TBATA: variants seen among roughly 807,000 people sequenced by gnomAD.
TBATA encodes the protein protein TBATA.
Under a neutral mutation model 38.7 loss-of-function variants are expected in TBATA, and 47 were observed. The ratio of observed to expected loss-of-function variants is 1.21; its 90% CI spans 0.96 to 1.55. The LOEUF (loss-of-function observed/expected upper bound fraction) is 1.55. Among genes scored for constraint, TBATA ranks in the 40% most tolerant of loss-of-function variants. The pLI, the probability that TBATA is intolerant of heterozygous loss-of-function variation, is 0.00. For synonymous variants in TBATA, 183 were observed against 170.5 expected (o/e 1.07, Z -0.57); for missense variants, 436 against 435.6 (o/e 1.00, Z -0.01).
In TBATA at chr10:70,774,294, A is replaced by T. The variant is rs1377185271; in HGVS notation, c.839T>A (p.Val280Asp). The T allele has an allele frequency of 2.5e-6, 4 of 1,609,728 alleles. 1 individual carries two copies. In the East Asian group the frequency reaches 8.9e-5, roughly 36 times the overall value. Reference protein sequence around the residue: ...AVAQLLPQPLVSIPTEKLLSQ... With the variant: ...AVAQLLPQPLDSIPTEKLLSQ... The stretch of plus-strand genomic sequence containing the variant: ...TAGGAGCTTTTCTGTAGGGATGGAG[A>T]CTAGGGGCTGGGGAAGGAGCTGAGC... Residue 280 changes from valine to aspartate, a missense_variant, in exon 9 of 11, where the codon GTC becomes GAC. Coordinates refer to ENST00000456372, the MANE Select transcript of TBATA (RefSeq NM_001318241.2).
At chr10:70,776,598 G>T (rs1843435260) in intron 7 of TBATA, among the ~76,000 whole-genome samples, 1 of 152,208 alleles carries the variant, frequency 6.6e-6, no homozygotes. Context: ...GCAGAATGCT[G>T]GGTCTACCTC....
chr10:70,777,883 A>T (rs1054788507), intron 6 of TBATA: 13 of 429,246 alleles, frequency 3.0e-5, no homozygotes, highest in Non-Finnish European at 5.1e-5. Context: ...AAGATAAGAA[A>T]ACAGAGACCC....
rs1418170616 is a variant in TBATA at position 70,777,168 on chromosome 10, C to T, written c.678G>A (p.Gln226=). Residue 226 remains glutamine, a synonymous_variant, in exon 7 of 11, where the codon CAG becomes CAA. Transcript: ENST00000456372. ...GGGCCCTCACCAGCAGCTCCTGATC[C>T]TGAAGGAGGAAAGCCTGGACTCCTT... is the stretch of plus-strand genomic sequence containing the variant. ...RHEGVQAFLL[Q]DQELLVLELL... The T allele has an allele frequency of 1.9e-6, 3 of 1,612,804 alleles. No homozygotes were observed. The South Asian group carries it at 3.3e-5, about 18-fold the overall frequency.
chr10:70,782,289 C>G, intron 3 of TBATA: 1 of 1,490,760 alleles, frequency 6.7e-7, no homozygotes, highest in Non-Finnish European at 9.0e-7. Context: ...CTCAGACTCT[C>G]CCAGCACCCC....
rs765883629 is a variant in TBATA at position 70,778,646 on chromosome 10, G to A, written c.428-10C>T. 1.9e-6 allele frequency: 3 copies of A among 1,614,008 alleles called. No individual in the cohort carries two copies. The highest frequency in any genetic ancestry group is 1.1e-5 in the South Asian group (1 of 91,076). ...TCCTTCTTCCAGGCTTCTGGGAGGA[G>A]GGGACAAGGTCCTGCCAACTGAAGT... On this transcript the variant is annotated splice_polypyrimidine_tract_variant and intron_variant, in intron 5 of 10. Coordinates refer to ENST00000456372, the MANE Select transcript of TBATA (RefSeq NM_001318241.2).
chr10:70,772,453 G>A, intron 10 of TBATA, 61 bp downstream of exon 10: 1 of 1,543,572 alleles, frequency 6.5e-7, no homozygotes, highest in Non-Finnish European at 9.0e-7. Flanking sequence ...AATCCCCTGA[G>A]AAATCCAGCC....
chr10:70,776,833 A>G (rs1343812398), intron 7 of TBATA, among the ~76,000 whole-genome samples: 1 of 151,952 alleles, frequency 6.6e-6, no homozygotes, highest in Non-Finnish European at 1.5e-5. Flanking sequence ...GATGGGCAGG[A>G]CCTCCTTCTT....
intron 6 of TBATA, chr10:70,777,895 G>A: frequency 2.4e-6 from 1 of 419,500 alleles, no homozygotes; most frequent in Non-Finnish European, 4.7e-6. Flanking sequence ...CAGAGACCCA[G>A]ACAGCTTAGC....
At chr10:70,771,716 T>C (rs1182885288) in intron 10 of TBATA, among the ~76,000 whole-genome samples, 1 of 152,238 alleles carries the variant, frequency 6.6e-6, no homozygotes, top group African/African-American at 2.4e-5. Context: ...CCAGGCACTC[T>C]GGACCTTTGA....
chr10:70,785,073 T>C (rs1211863948), intron 1 of TBATA, among the ~76,000 whole-genome samples: 1 of 152,206 alleles, frequency 6.6e-6, no homozygotes, highest in East Asian at 1.9e-4. Context: ...GGGACTCTAG[T>C]AGGCCAAGCC....
chr10:70,781,898 C>A lies in TBATA; in HGVS notation c.180G>T (p.Lys60Asn). The A allele has an allele frequency of 1.2e-6, 2 of 1,614,228 alleles. No individual in the cohort carries two copies. The highest frequency in any genetic ancestry group is 8.5e-7 in the Non-Finnish European group (1 of 1,180,042). The part of the protein sequence containing the change: ...ERIRRALRTP[K>N]PQTPGTYCFG... ...AGCAGTAGGTGCCAGGGGTTTGGGG[C>A]TTTGGGGTCCTCAATGCCCGGCGGA... The change falls in exon 4 of 11, where the codon AAG (lysine) becomes AAT (asparagine). Residue 60 changes from lysine to asparagine, a missense_variant. Coordinates refer to ENST00000456372, the MANE Select transcript of TBATA (RefSeq NM_001318241.2).
At chr10:70,780,665 G>A (rs966086917) in intron 4 of TBATA, among the ~76,000 whole-genome samples, 3 of 151,930 alleles carry the variant, frequency 2.0e-5, no homozygotes, top group East Asian at 3.9e-4. Context: ...AAAGCATCTC[G>A]CATCACCCAT....
intron 4 of TBATA, 115 bp downstream of exon 4, chr10:70,781,686 C>A: frequency 9.7e-7 from 1 of 1,030,528 alleles, no homozygotes; most frequent in Non-Finnish European, 1.4e-6. Flanking sequence ...GATCCTGGAC[C>A]CCATCCTCTC....
At chr10:70,783,779 A>T (rs1787272994) in intron 2 of TBATA, among the ~76,000 whole-genome samples, 1 of 152,246 alleles carries the variant, frequency 6.6e-6, no homozygotes. Flanking sequence ...AAAATAAATG[A>T]GCCACAGCTA....
chr10:70,774,350 G>A lies in TBATA; in HGVS notation c.783C>T (p.Asp261=), dbSNP rs1589375696. Residue 261 remains aspartate, a synonymous_variant, in exon 9 of 11, where the codon GAC becomes GAT. Coordinates refer to ENST00000456372, the MANE Select transcript of TBATA (RefSeq NM_001318241.2). ...WLLYAPPKEK[D]LALGLLQTAV... is the part of the protein sequence containing the mutation. ...CTGTCTGCAGGAGTCCCAGAGCGAGGTCTTTTTCTGAAAGCACAGCCCGGG... is the reference window on the plus strand; with the variant it reads ...CTGTCTGCAGGAGTCCCAGAGCGAGATCTTTTTCTGAAAGCACAGCCCGGG... The A allele has an allele frequency of 1.9e-6, 3 of 1,593,064 alleles. No homozygotes were observed. Among genetic ancestry groups the A allele is most frequent in the Non-Finnish European group, 2.6e-6 (3 of 1,170,734 alleles).
At chr10:70,776,174 C>G (rs1843369890) in intron 7 of TBATA, among the ~76,000 whole-genome samples, 1 of 152,162 alleles carries the variant, frequency 6.6e-6, no homozygotes, top group African/African-American at 2.4e-5. Context: ...AGCAGGTCGG[C>G]CTCATCCTCA....
chr10:70,779,854 A>G, intron 4 of TBATA, 112 bp from the exon 5 acceptor site: 1 of 1,129,212 alleles, frequency 8.9e-7, no homozygotes, highest in Non-Finnish European at 1.2e-6. Flanking sequence ...TCTTCCAGTA[A>G]CCACCAGCTG....
At position 70,779,652 on chromosome 10, in the gene TBATA, G is replaced by A. The variant is rs1046373299; in HGVS notation, c.368C>T (p.Pro123Leu). Reference sequence around the variant, plus strand: ...GTCTCCAATGGGGACAGAGATGGTGGGTATCCCCATTTGACAGCCGGAAAA... The same window carrying A: ...GTCTCCAATGGGGACAGAGATGGTGAGTATCCCCATTTGACAGCCGGAAAA... ...TVFSGCQMGIPTISVPIGDPQ... is the reference protein window; with the variant it reads ...TVFSGCQMGILTISVPIGDPQ... The change falls in exon 5 of 11, where the codon CCC becomes CTC. Residue 123 changes from proline (P) to leucine (L), a missense_variant. Physicochemically the swap from Pro to Leu is moderately conservative, Grantham distance 98 (BLOSUM62 -3). Coordinates refer to ENST00000456372, the MANE Select transcript of TBATA (RefSeq NM_001318241.2). 8 of 1,533,184 alleles carry A rather than the reference G, an allele frequency of 5.2e-6. No individual in the cohort carries two copies. The highest frequency in any genetic ancestry group is 6.1e-6 in the Non-Finnish European group (7 of 1,149,962). The allele number at this position is 1,533,184 out of a possible 1,614,324, so 95.0% of individuals were successfully genotyped here.
chr10:70,780,730 GC>G (rs1248614852), intron 4 of TBATA, among the ~76,000 whole-genome samples: 3 of 152,096 alleles, frequency 2.0e-5, no homozygotes, highest in African/African-American at 7.2e-5. Context: ...TAGCCCTTCT[GC>G]ACATTTCCCT....
Sources: allele counts gnomAD v4.1 joint callset (sites outside exome capture counted in the v4.1 genomes callset), GRCh38; gene constraint gnomAD v4.1.1; transcripts MANE v1.5; gene names NCBI Gene and HGNC (gene_info 2026-07-23, HGNC 2026-07-21).